ATN1: variants seen among roughly 807,000 people sequenced by gnomAD.
ATN1 encodes the protein atrophin-1.
In ATN1, 19 loss-of-function variants were observed where a neutral mutation model predicts 85.8. The ratio of observed to expected loss-of-function variants is 0.22; its 90% CI spans 0.15 to 0.32. The LOEUF (loss-of-function observed/expected upper bound fraction) is 0.32. Ranked by LOEUF, ATN1 falls within the 10% of genes least tolerant of loss-of-function variation. The pLI is 1.00. For synonymous variants in ATN1, 674 were observed against 657.0 expected, an observed-to-expected ratio of 1.03 and a Z score of -0.39; for missense variants, 1,453 against 1,564.5, an observed-to-expected ratio of 0.93 and a Z score of 1.20.
At chr12:6,938,434 C>G (rs1945584232) in intron 6 of ATN1, 47 bp from the exon 7 acceptor site, 3 of 1,552,990 alleles carry the variant, frequency 1.9e-6, no homozygotes, top group East Asian at 4.6e-5. Flanking sequence ...CCAGCCACCT[C>G]TTTTCATAAC....
chr12:6,936,722 A>G lies in ATN1; in HGVS notation c.1455A>G (p.Gln485=), dbSNP rs879960521. 76 of 1,525,050 alleles carry G rather than the reference A, an allele frequency of 5.0e-5. No homozygotes were observed. Among genetic ancestry groups the G allele is most frequent in the Non-Finnish European group, 6.5e-5 (74 of 1,143,644 alleles). 94.5% of individuals were successfully genotyped at this position (1,525,050 alleles called of 1,614,324 possible). A position where few individuals can be genotyped will look rare whatever the true frequency, so the allele number is the denominator to read the frequency against. ...CAACACATCACCATCACCACCAGCA[A>G]CAGCAACAGCAGCAGCAGCAGCAGC... is the stretch of plus-strand genomic sequence containing the variant. ...PVSTHHHHHQ[Q]QQQQQQQQQQ... Residue 485 remains glutamine (Q), a synonymous_variant, in exon 5 of 10, where the codon CAA becomes CAG. Transcript: ENST00000396684.
chr12:6,939,984 A>T (rs1945612282), intron 7 of ATN1, among the ~76,000 whole-genome samples: 1 of 151,858 alleles, frequency 6.6e-6, no homozygotes, highest in South Asian at 2.1e-4. Context: ...CTATCCTTTC[A>T]CCATTTTTTG....
chr12:6,933,037 A>G (rs781866271), intron 1 of ATN1, among the ~76,000 whole-genome samples: 1 of 152,204 alleles, frequency 6.6e-6, no homozygotes, highest in South Asian at 2.1e-4. Context: ...CTGGTTCCTC[A>G]CTGTGTGAGG....
intron 1 of ATN1, among the ~76,000 whole-genome samples, chr12:6,932,935 C>G (rs139544388): frequency 3.4e-4 from 52 of 152,266 alleles, no homozygotes; most frequent in African/African-American, 1.2e-3. Flanking sequence ...TGAGAATTCT[C>G]CCCAGCAACT....
Position 6,936,728 on chromosome 12 carries a change from A to ACAACAGCAGCAGCAGCAGCAGCAG in ATN1, c.1463_1464insACAGCAGCAGCAGCAGCAGCAGCA (p.Gln495_Gln502dup), listed in dbSNP as rs1945541064. ...ATCACCATCACCACCAGCAACAGCA[A>ACAACAGCAGCAGCAGCAGCAGCAG]CAGCAGCAGCAGCAGCAGCAGCAGC... On this transcript the variant is annotated inframe_insertion, in exon 5 of 10. Transcript: ENST00000396684. 12 of 1,584,054 alleles carry ACAACAGCAGCAGCAGCAGCAGCAG rather than the reference A, an allele frequency of 7.6e-6. No individual in the cohort carries two copies. In the Admixed American group the frequency reaches 1.7e-4, roughly 22 times the overall value.
intron 1 of ATN1, among the ~76,000 whole-genome samples, chr12:6,932,421 G>C (rs782198614): frequency 6.6e-6 from 1 of 152,154 alleles, no homozygotes; most frequent in Non-Finnish European, 1.5e-5. Flanking sequence ...CAGTGGAAAG[G>C]AAGAAAACAG....
Position 6,941,870 on chromosome 12 carries a change from G to C in ATN1, c.*90G>C. 2 of 1,332,176 alleles carry C rather than the reference G, an allele frequency of 1.5e-6. No homozygotes were observed. The highest frequency in any genetic ancestry group is 2.2e-6 in the Non-Finnish European group (2 of 926,554). The allele number at this position is 1,332,176 out of a possible 1,614,324, so 82.5% of individuals were successfully genotyped here. ...CACCGTGCCCTTGGCCTGCCACCCA[G>C]AGCCAAGAGGGTGCTGCTCAGTTGC... On this transcript the variant is annotated 3_prime_UTR_variant, in exon 10 of 10. Coordinates refer to ENST00000396684, the MANE Select transcript of ATN1 (RefSeq NM_001940.4). The surrounding 1 kb of genome is among the most constrained non-coding windows in gnomAD (Gnocchi z 5.9).
At chr12:6,929,378 T>C (rs1372693512) in intron 1 of ATN1, among the ~76,000 whole-genome samples, 1 of 152,148 alleles carries the variant, frequency 6.6e-6, no homozygotes, top group African/African-American at 2.4e-5. Flanking sequence ...TTATTTTGAC[T>C]AGGGTAGGTA....
At chr12:6,931,175 T>C (rs1555143006) in intron 1 of ATN1, among the ~76,000 whole-genome samples, 3 of 152,084 alleles carry the variant, frequency 2.0e-5, no homozygotes, top group Admixed American at 1.3e-4. Context: ...CTAACCTAAC[T>C]GACTTGGTGA....
chr12:6,936,713 CCACCAGCAACAGCAACAG>C lies in ATN1; in HGVS notation c.1449_1466del (p.His483_Gln488del). 6.3e-7 allele frequency: 1 copy of C among 1,598,486 alleles called. No homozygotes were observed. Among genetic ancestry groups the C allele is most frequent in the Non-Finnish European group, 8.5e-7 (1 of 1,174,230 alleles). Reference sequence around the variant, plus strand: ...CACCAGTCTCAACACATCACCATCACCACCAGCAACAGCAACAGCAGCAGCAGCAGCAGCAGCAGCAGC... The same window carrying C: ...CACCAGTCTCAACACATCACCATCACCAGCAGCAGCAGCAGCAGCAGCAGC... On this transcript the variant is annotated inframe_deletion, in exon 5 of 10. Coordinates refer to ENST00000396684, the MANE Select transcript of ATN1 (RefSeq NM_001940.4).
In ATN1 at chr12:6,938,081, T is replaced by C. The variant is rs1555144157; in HGVS notation, c.2517+14T>C. 2 of 1,534,786 alleles carry C rather than the reference T, an allele frequency of 1.3e-6. No homozygotes were observed. Among genetic ancestry groups the C allele is most frequent in the South Asian group, 1.2e-5 (1 of 83,114 alleles). ...GAACGCAGCGTGGTGAGTGCGTCAC[T>C]GCCTGCGCCACCGCCTTCTTTCCCT... On this transcript the variant is annotated intron_variant, in intron 6 of 9. Coordinates refer to ENST00000396684, the MANE Select transcript of ATN1 (RefSeq NM_001940.4).
chr12:6,941,909 C>T lies in ATN1; in HGVS notation c.*129C>T. 2.2e-6 allele frequency: 2 copies of T among 918,236 alleles called. No homozygotes were observed. The highest frequency in any genetic ancestry group is 2.8e-5 in the South Asian group (2 of 70,460). 56.9% of individuals were successfully genotyped at this position (918,236 alleles called of 1,614,324 possible). A position where few individuals can be genotyped will look rare whatever the true frequency, so the allele number is the denominator to read the frequency against. On this transcript the variant is annotated 3_prime_UTR_variant, in exon 10 of 10. Transcript: ENST00000396684. This position sits in a 1 kb window ranked among gnomAD's most constrained non-coding sequence, Gnocchi z 5.9. The stretch of plus-strand genomic sequence containing the variant: ...CTGCTCAGTTGCAGGGCCTCCGCAG[C>T]TGGACAGAGAGTGGGGGAGGGAGGG...
chr12:6,938,532 G>A lies in ATN1; in HGVS notation c.2569G>A (p.Val857Met). The change falls in exon 7 of 10, where the codon GTG (valine) becomes ATG (methionine). Residue 857 changes from valine to methionine, a missense_variant. Val to Met is a conservative substitution (Grantham distance 21). Around this residue, in one of 6 missense-constraint regions of ATN1, gnomAD observed 208 missense variants for 263.4 expected, o/e 0.79. Coordinates refer to ENST00000396684, the MANE Select transcript of ATN1 (RefSeq NM_001940.4). ...GGTGGAATGCCCATCTCTGGGCCCA[G>A]TGCCCCATCGCCCTCCATTTGAACC... is the stretch of plus-strand genomic sequence containing the variant. ...APVECPSLGP[V>M]PHRPPFEPGS... 4 of 1,613,992 alleles carry A rather than the reference G, an allele frequency of 2.5e-6. No homozygotes were observed. The highest frequency in any genetic ancestry group is 3.4e-6 in the Non-Finnish European group (4 of 1,179,822).
Position 6,936,988 on chromosome 12 carries a change from C to A in ATN1, c.1721C>A (p.Ser574Tyr). 1.2e-6 allele frequency: 2 copies of A among 1,613,638 alleles called. No individual in the cohort carries two copies. The highest frequency in any genetic ancestry group is 1.7e-6 in the Non-Finnish European group (2 of 1,179,678). Reference sequence around the variant, plus strand: ...CCTCCAGTCTCTTCCTCTTCCAACTCTTCCTCTTCCACTTCTCAAGGGTCC... The same window carrying A: ...CCTCCAGTCTCTTCCTCTTCCAACTATTCCTCTTCCACTTCTCAAGGGTCC... ...NGPPVSSSSN[S>Y]SSSTSQGSYP... Residue 574 changes from serine to tyrosine, a missense_variant, in exon 5 of 10, where the codon TCT (serine) becomes TAT (tyrosine). This residue lies in a region of ATN1 where 990 missense variants were observed against 914.8 expected (regional missense o/e 1.08). Transcript: ENST00000396684.
rs781911525 is a variant in ATN1, at chr12:6,935,766, C to T, written c.499C>T (p.Pro167Ser). Reference protein sequence around the residue: ...RPYHPPPLFPPSPQPPDSTPR... With the variant: ...RPYHPPPLFPSSPQPPDSTPR... ...CTACCACCCACCTCCACTCTTTCCTCCTTCCCCTCAACCGCCAGACAGCAC... is the reference window on the plus strand; with the variant it reads ...CTACCACCCACCTCCACTCTTTCCTTCTTCCCCTCAACCGCCAGACAGCAC... The change falls in exon 5 of 10, where the codon CCT becomes TCT. Residue 167 changes from proline (P) to serine (S), a missense_variant. Pro to Ser is a moderately conservative substitution (Grantham distance 74). Coordinates refer to ENST00000396684, the MANE Select transcript of ATN1 (RefSeq NM_001940.4). This position sits in a 1 kb window ranked among gnomAD's most constrained non-coding sequence, Gnocchi z 5.3. The T allele has an allele frequency of 3.1e-6, 5 of 1,613,898 alleles. No individual in the cohort carries two copies. Among genetic ancestry groups the T allele is most frequent in the Non-Finnish European group, 4.2e-6 (5 of 1,179,864 alleles).
chr12:6,939,738 A>G (rs1215452655), intron 7 of ATN1, among the ~76,000 whole-genome samples: 1 of 152,018 alleles, frequency 6.6e-6, no homozygotes, highest in Non-Finnish European at 1.5e-5. Context: ...CCTGAGCTCA[A>G]AGCGATCCAC....
At chr12:6,928,759 G>C (rs1254569941) in intron 1 of ATN1, among the ~76,000 whole-genome samples, 3 of 152,210 alleles carry the variant, frequency 2.0e-5, no homozygotes, top group African/African-American at 7.2e-5. Flanking sequence ...GGGGTTCCGG[G>C]CGAAGGCAGA....
chr12:6,941,578 G>A lies in ATN1; in HGVS notation c.3539+24G>A. ...AGGTACCCTAGGGTGCCCCAGCCCA[G>A]GGGACATGGGCTCAGCGAGCCTGGG... On this transcript the variant is annotated intron_variant, in intron 9 of 9. Coordinates refer to ENST00000396684, the MANE Select transcript of ATN1 (RefSeq NM_001940.4). The surrounding 1 kb of genome is among the most constrained non-coding windows in gnomAD (Gnocchi z 5.9). 1 of 1,611,746 alleles carries A rather than the reference G, an allele frequency of 6.2e-7. No individual in the cohort carries two copies. Among genetic ancestry groups the A allele is most frequent in the Non-Finnish European group, 8.5e-7 (1 of 1,178,998 alleles).
chr12:6,926,631 C>A (rs1555142602), upstream of ATN1, among the ~76,000 whole-genome samples: 1 of 152,034 alleles, frequency 6.6e-6, no homozygotes, highest in Non-Finnish European at 1.5e-5. Flanking sequence ...CGCCACCACA[C>A]CCGGCTAATT....
Sources: allele counts gnomAD v4.1 joint callset (sites outside exome capture counted in the v4.1 genomes callset), GRCh38; gene constraint gnomAD v4.1.1; regional missense constraint gnomAD v4.1.1; non-coding constraint Gnocchi (gnomAD v3.1); transcripts MANE v1.5; gene names NCBI Gene and HGNC (gene_info 2026-07-23, HGNC 2026-07-21).